The following CDYL2 variants were observed in gnomAD, a reference collection of about 807,000 sequenced individuals.
CDYL2 encodes chromodomain Y-like protein 2.
CDYL2 carries 23 observed loss-of-function variants against 49.4 expected under a neutral mutation model. That is an observed-to-expected ratio of 0.47 (90% CI 0.34 to 0.66). The LOEUF (loss-of-function observed/expected upper bound fraction) is 0.66. Ranked by LOEUF, CDYL2 falls within the 30% of genes least tolerant of loss-of-function variation. CDYL2 has a pLI of 0.01. For missense variants in CDYL2, 678 were observed against 656.4 expected, an observed-to-expected ratio of 1.03 and a Z score of -0.36; for synonymous variants, 360 against 268.8, an observed-to-expected ratio of 1.34 and a Z score of -3.32.
At chr16:80,761,882 A>T (rs746840093) in intron 1 of CDYL2, among the ~76,000 whole-genome samples, 46 of 73,368 alleles carry the variant, frequency 6.3e-4, no homozygotes, top group African/African-American at 2.4e-3. Context: ...GGAGAAAATT[A>T]AAAAAAAAAA....
At chr16:80,640,103 A>C (rs2142402857) in intron 2 of CDYL2, among the ~76,000 whole-genome samples, 1 of 152,310 alleles carries the variant, frequency 6.6e-6, no homozygotes, top group South Asian at 2.1e-4. Context: ...CAGTAGACTC[A>C]GGGGGCACAC....
intron 2 of CDYL2, among the ~76,000 whole-genome samples, chr16:80,655,762 G>GCA (rs1908781219): frequency 6.6e-6 from 1 of 152,160 alleles, no homozygotes; most frequent in Non-Finnish European, 1.5e-5. Flanking sequence ...GTGCAATTCT[G>GCA]GATGCGGGTG....
rs543174933 is a variant in CDYL2 at position 80,604,313 on chromosome 16, C to A, written c.*75G>T. The A allele has an allele frequency of 1.2e-5, 18 of 1,532,436 alleles. No individual in the cohort carries two copies. The highest frequency in any genetic ancestry group is 1.6e-5 in the Non-Finnish European group (18 of 1,114,956). 94.9% of individuals were successfully genotyped at this position (1,532,436 alleles called of 1,614,324 possible). On this transcript the variant is annotated 3_prime_UTR_variant, in exon 7 of 7. Coordinates refer to ENST00000570137, the MANE Select transcript of CDYL2 (RefSeq NM_152342.4). Reference sequence around the variant, plus strand: ...GAGACACCTTGACAAACTCCTTGGCCGGGGCAGACACTGTGCTCTGGTTTC... The same window carrying A: ...GAGACACCTTGACAAACTCCTTGGCAGGGGCAGACACTGTGCTCTGGTTTC...
intron 1 of CDYL2, chr16:80,742,096 A>G (rs904564979): frequency 2.0e-5 from 3 of 152,248 alleles, no homozygotes; most frequent in African/African-American, 7.2e-5. Flanking sequence ...CTACTTTTAC[A>G]GATGAGAAAA....
intron 1 of CDYL2, among the ~76,000 whole-genome samples, chr16:80,691,090 C>T (rs548031082): frequency 1.9e-4 from 29 of 152,246 alleles, no homozygotes; most frequent in South Asian, 6.2e-4. Context: ...AAGACATCCA[C>T]GCCTACAGCC....
chr16:80,740,397 C>A (rs543344158), intron 1 of CDYL2, among the ~76,000 whole-genome samples: 1 of 152,012 alleles, frequency 6.6e-6, no homozygotes, highest in Non-Finnish European at 1.5e-5. Context: ...ATTTAAAAGG[C>A]CTAATTCAAA....
intron 2 of CDYL2, among the ~76,000 whole-genome samples, chr16:80,644,035 C>T (rs1283484879): frequency 6.6e-6 from 1 of 152,194 alleles, no homozygotes; most frequent in Non-Finnish European, 1.5e-5. Flanking sequence ...AACTTTTATG[C>T]TCTGTTTCCC....
At chr16:80,779,010 A>T (rs955710077) in intron 1 of CDYL2, among the ~76,000 whole-genome samples, 2 of 152,072 alleles carry the variant, frequency 1.3e-5, no homozygotes, top group Non-Finnish European at 2.9e-5. Flanking sequence ...ATGGGCAAAA[A>T]TTATGCCATA....
At chr16:80,770,240 C>A (rs1199981366) in intron 1 of CDYL2, among the ~76,000 whole-genome samples, 1 of 152,070 alleles carries the variant, frequency 6.6e-6, no homozygotes, top group South Asian at 2.1e-4. Flanking sequence ...GACTTTACTG[C>A]AGATTAAAAG....
At chr16:80,716,005 A>C (rs1475707917) in intron 1 of CDYL2, among the ~76,000 whole-genome samples, 12 of 152,240 alleles carry the variant, frequency 7.9e-5, no homozygotes, top group Admixed American at 7.8e-4. Flanking sequence ...CAGAGAGCTA[A>C]ATCTCTTTAT....
At chr16:80,747,411 A>G (rs1905969507) in intron 1 of CDYL2, among the ~76,000 whole-genome samples, 1 of 152,218 alleles carries the variant, frequency 6.6e-6, no homozygotes, top group African/African-American at 2.4e-5. Context: ...GGTTAGGGGA[A>G]GGATTTAAGA....
At position 80,644,475 on chromosome 16, in the gene CDYL2, T is replaced by C. The variant is rs146515540; in HGVS notation, c.617-11239A>G. Among the ~76,000 whole-genome samples the C allele has an allele frequency of 2.4e-3, 358 of 152,296 alleles. 4 individuals carry two copies. The highest frequency in any genetic ancestry group is 6.0e-4 in the Non-Finnish European group (41 of 68,020). On this transcript the variant is annotated intron_variant, in intron 2 of 6. Transcript: ENST00000570137. ...CAACATCCCACTCTACTTGTACCAATTTCATGCTGCTGATAAAGACACTGG... is the reference window on the plus strand; with the variant it reads ...CAACATCCCACTCTACTTGTACCAACTTCATGCTGCTGATAAAGACACTGG...
chr16:80,678,100 A>G (rs961105270), intron 2 of CDYL2, among the ~76,000 whole-genome samples: 6 of 152,280 alleles, frequency 3.9e-5, no homozygotes, highest in African/African-American at 9.6e-5. Context: ...CACCTTATAC[A>G]AAAATCAATT....
At chr16:80,713,263 A>G (rs1904682171) in intron 1 of CDYL2, among the ~76,000 whole-genome samples, 1 of 152,222 alleles carries the variant, frequency 6.6e-6, no homozygotes, top group African/African-American at 2.4e-5. Flanking sequence ...ATGTAGCTGG[A>G]TGAAGTTACA....
At chr16:80,786,570 T>C (rs1275677042) in intron 1 of CDYL2, among the ~76,000 whole-genome samples, 2 of 152,096 alleles carry the variant, frequency 1.3e-5, no homozygotes, top group African/African-American at 4.8e-5. Context: ...TCCTCAAGGA[T>C]CCAGAACTAG....
At chr16:80,701,277 T>G (rs1372662530) in intron 1 of CDYL2, among the ~76,000 whole-genome samples, 1 of 152,256 alleles carries the variant, frequency 6.6e-6, no homozygotes, top group Non-Finnish European at 1.5e-5. Context: ...AGGTCTGGAA[T>G]AATTCACTGT....
In CDYL2 at chr16:80,602,140, C is replaced by A. The variant is rs1461583437; in HGVS notation, c.*2248G>T. 2 of 152,172 alleles carry A rather than the reference C, an allele frequency of 1.3e-5. No homozygotes were observed. Among genetic ancestry groups the A allele is most frequent in the African/African-American group, 4.8e-5 (2 of 41,452 alleles). 9.4% of individuals were successfully genotyped at this position (152,172 alleles called of 1,614,324 possible). A position where few individuals can be genotyped will look rare whatever the true frequency, so the allele number is the denominator to read the frequency against. On this transcript the variant is annotated 3_prime_UTR_variant, in exon 7 of 7. Coordinates refer to ENST00000570137, the MANE Select transcript of CDYL2 (RefSeq NM_152342.4). ...CACTGTCTGCCACAATATGTAAGAACCAGGGTCATCTAAGGGTTTTGGAAA... is the reference window on the plus strand; with the variant it reads ...CACTGTCTGCCACAATATGTAAGAAACAGGGTCATCTAAGGGTTTTGGAAA...
At chr16:80,745,529 A>T (rs1905897554) in intron 1 of CDYL2, among the ~76,000 whole-genome samples, 1 of 152,088 alleles carries the variant, frequency 6.6e-6, no homozygotes, top group Non-Finnish European at 1.5e-5. Context: ...AGAATATAAA[A>T]ACAGTACCCC....
intron 2 of CDYL2, among the ~76,000 whole-genome samples, chr16:80,668,042 G>C (rs1410362132): frequency 6.6e-6 from 1 of 152,214 alleles, no homozygotes; most frequent in African/African-American, 2.4e-5. Flanking sequence ...TAAAACAACA[G>C]GGCCTGGAAA....
Sources: gnomAD v4.1 joint callset for allele counts (sites outside exome capture counted in the v4.1 genomes callset) on GRCh38, gnomAD v4.1.1 for gene constraint, MANE v1.5 for transcripts, NCBI Gene and HGNC (gene_info 2026-07-23, HGNC 2026-07-21) for gene names.